Variants in EYS observed in about 807,000 individuals in gnomAD.
EYS encodes protein eyes shut homolog.
Under a neutral mutation model 282.1 loss-of-function variants are expected in EYS, and 250 were observed. The observed-to-expected ratio is 0.89, with a 90% CI of 0.80 to 0.98. The LOEUF is 0.98. Ranked by LOEUF, EYS falls within the 50% of genes least tolerant of loss-of-function variation. The pLI is 0.00. For missense variants in EYS, 4,016 were observed against 3,709.0 expected, an observed-to-expected ratio of 1.08 and a Z score of -2.15; for synonymous variants, 1,355 against 1,282.9, an observed-to-expected ratio of 1.06 and a Z score of -1.20.
At chr6:65,509,544 C>T (rs945460179) in intron 2 of EYS, among the ~76,000 whole-genome samples, 2 of 152,086 alleles carry the variant, frequency 1.3e-5, no homozygotes, top group African/African-American at 4.8e-5. Context: ...ATATTGCCTA[C>T]TGTTATTTGG....
chr6:64,995,135 C>T (rs1306567463), intron 14 of EYS, among the ~76,000 whole-genome samples: 2 of 152,122 alleles, frequency 1.3e-5, no homozygotes, highest in Non-Finnish European at 2.9e-5. Flanking sequence ...GACTGATTAG[C>T]TAAGGTCAGT....
intron 35 of EYS, among the ~76,000 whole-genome samples, chr6:63,929,646 A>G (rs1764827680): frequency 6.6e-6 from 1 of 152,096 alleles, no homozygotes; most frequent in African/African-American, 2.4e-5. Flanking sequence ...TTACTATTAA[A>G]TTTTCTCTCT....
chr6:64,419,146 T>C (rs1041935427), intron 28 of EYS, among the ~76,000 whole-genome samples: 2 of 152,170 alleles, frequency 1.3e-5, no homozygotes, highest in African/African-American at 4.8e-5. Context: ...TAAGTAGCTA[T>C]ATTAGTCCAT....
intron 12 of EYS, among the ~76,000 whole-genome samples, chr6:65,126,228 A>T (rs1162989621): frequency 6.6e-6 from 1 of 151,798 alleles, no homozygotes; most frequent in Non-Finnish European, 1.5e-5. Context: ...TTATTCTCCC[A>T]CTCTTCTTTA....
chr6:65,656,208 A>C (rs1209311675), intron 1 of EYS, among the ~76,000 whole-genome samples: 1 of 151,826 alleles, frequency 6.6e-6, no homozygotes, highest in Non-Finnish European at 1.5e-5. Context: ...AGAAACAACA[A>C]TATTGAAATT....
Position 64,690,039 on chromosome 6 carries a change from C to A in EYS, c.3444-63794G>T, listed in dbSNP as rs559694641. 4.7e-3 allele frequency among the ~76,000 whole-genome samples: 709 copies of A among 151,950 alleles called. 5 individuals are homozygous for A. Among genetic ancestry groups the A allele is most frequent in the African/African-American group, 0.016 (657 of 41,474 alleles). Reference sequence around the variant, plus strand: ...AGAAACTACCATCAGAGTGAACAGGCAACCTACAGAATGGGAGAAAATTTT... The same window carrying A: ...AGAAACTACCATCAGAGTGAACAGGAAACCTACAGAATGGGAGAAAATTTT... On this transcript the variant is annotated intron_variant, in intron 22 of 42. Coordinates refer to ENST00000503581, the MANE Select transcript of EYS (RefSeq NM_001142800.2).
At chr6:65,619,496 C>A (rs1018201692) in intron 2 of EYS, among the ~76,000 whole-genome samples, 2 of 152,180 alleles carry the variant, frequency 1.3e-5, no homozygotes, top group South Asian at 2.1e-4. Context: ...ATGTCATCTG[C>A]AAACAGGGAC....
At chr6:64,505,605 C>G (rs1777182649) in intron 26 of EYS, among the ~76,000 whole-genome samples, 1 of 152,098 alleles carries the variant, frequency 6.6e-6, no homozygotes, top group South Asian at 2.1e-4. Flanking sequence ...GTCCACTTGT[C>G]TTTTTATTTT....
chr6:65,008,357 AG>A (rs1463377482), intron 13 of EYS, among the ~76,000 whole-genome samples: 3 of 152,254 alleles, frequency 2.0e-5, no homozygotes, highest in East Asian at 1.9e-4. Context: ...AAACTTCAAA[AG>A]TCTGCCATAG....
intron 28 of EYS, among the ~76,000 whole-genome samples, chr6:64,435,083 T>C (rs1774695230): frequency 6.6e-6 from 1 of 152,082 alleles, no homozygotes; most frequent in Non-Finnish European, 1.5e-5. Flanking sequence ...CCAGCATTTG[T>C]TATTTAGGAG....
At chr6:65,680,090 A>ACACG (rs1768763208) in intron 1 of EYS, among the ~76,000 whole-genome samples, 1 of 149,470 alleles carries the variant, frequency 6.7e-6, no homozygotes, top group South Asian at 2.1e-4. Flanking sequence ...AAATTTTCAC[A>ACACG]CACACACACA....
intron 31 of EYS, among the ~76,000 whole-genome samples, chr6:64,087,950 G>A (rs1262370508): frequency 6.6e-6 from 1 of 152,056 alleles, no homozygotes; most frequent in Non-Finnish European, 1.5e-5. Context: ...CTTTGCAGGA[G>A]CACATCTATT....
intron 30 of EYS, among the ~76,000 whole-genome samples, chr6:64,265,782 C>CG (rs1767738814): frequency 6.6e-6 from 1 of 152,060 alleles, no homozygotes; most frequent in African/African-American, 2.4e-5. Flanking sequence ...ATATCAGGTG[C>CG]TTAGTACAAT....
intron 22 of EYS, among the ~76,000 whole-genome samples, chr6:64,686,855 G>GTA (rs1266982660): frequency 7.3e-5 from 1 of 13,606 alleles, no homozygotes; most frequent in African/African-American, 2.0e-4. Flanking sequence ...ATATATATAT[G>GTA]TGTATATATA....
chr6:64,983,621 C>T (rs927680877), intron 14 of EYS, among the ~76,000 whole-genome samples: 3 of 151,188 alleles, frequency 2.0e-5, no homozygotes, highest in African/African-American at 7.3e-5. Flanking sequence ...AGGATTTCTC[C>T]TACTTTTTAC....
intron 26 of EYS, among the ~76,000 whole-genome samples, chr6:64,536,436 T>C (rs1322012265): frequency 2.0e-5 from 3 of 152,172 alleles, no homozygotes; most frequent in African/African-American, 7.2e-5. Context: ...CAATTACAGG[T>C]ACTCTCTATT....
At chr6:65,251,384 A>C (rs1767318929) in intron 12 of EYS, among the ~76,000 whole-genome samples, 1 of 151,718 alleles carries the variant, frequency 6.6e-6, no homozygotes, top group Non-Finnish European at 1.5e-5. Flanking sequence ...ACAAACTATA[A>C]AAATTTTAAT....
chr6:64,592,111 A>G (rs1485959690), intron 25 of EYS, 122 bp from the exon 26 acceptor site: 2 of 576,364 alleles, frequency 3.5e-6, no homozygotes, highest in East Asian at 3.0e-5. Context: ...GTAGACAAAT[A>G]TGGTTCTGTA....
chr6:65,380,060 A>G (rs1297734123), intron 8 of EYS, among the ~76,000 whole-genome samples: 2 of 152,080 alleles, frequency 1.3e-5, no homozygotes, highest in Non-Finnish European at 2.9e-5. Flanking sequence ...AAATTTATAG[A>G]TTCAATGCTA....
Sources: allele counts gnomAD v4.1 joint callset (sites outside exome capture counted in the v4.1 genomes callset), GRCh38; gene constraint gnomAD v4.1.1; transcripts MANE v1.5; gene names NCBI Gene and HGNC (gene_info 2026-07-23, HGNC 2026-07-21).